PLCB1: variants seen among roughly 807,000 people sequenced by gnomAD.
The protein encoded by PLCB1 is phospholipase C beta 1, also known as 1-phosphatidylinositol 4,5-bisphosphate phosphodiesterase beta-1.
Under a neutral mutation model 161.8 loss-of-function variants are expected in PLCB1, and 46 were observed. That is an observed-to-expected ratio of 0.28 (90% CI 0.22 to 0.36). PLCB1 has a LOEUF of 0.36. Among genes scored for constraint, PLCB1 ranks in the 10% least tolerant of loss-of-function variants. The pLI is 1.00. For synonymous variants in PLCB1, 517 were observed against 503.7 expected (o/e 1.03, Z -0.35); for missense variants, 1,016 against 1,472.5 (o/e 0.69, Z 5.07).
At chr20:8,842,793 A>G (rs1435998069) in intron 31 of PLCB1, among the ~76,000 whole-genome samples, 1 of 152,128 alleles carries the variant, frequency 6.6e-6, no homozygotes, top group South Asian at 2.1e-4. Flanking sequence ...TTTCCATACA[A>G]TGTCTGAAAT....
intron 4 of PLCB1, among the ~76,000 whole-genome samples, chr20:8,641,001 G>A (rs1048499249): frequency 2.0e-5 from 3 of 152,198 alleles, no homozygotes; most frequent in African/African-American, 7.2e-5. Context: ...CTTCCTTAGA[G>A]TATCAGGATA....
chr20:8,722,318 A>T, intron 14 of PLCB1, 36 bp from the exon 15 acceptor site: 2 of 1,497,614 alleles, frequency 1.3e-6, no homozygotes, highest in Non-Finnish European at 1.8e-6. Context: ...AAATGTTGAA[A>T]TGGTGACATG....
rs111298209 is a variant in PLCB1 at position 8,768,410 on chromosome 20, A to G, written c.2930+3052A>G. On this transcript the variant is annotated intron_variant, in intron 26 of 31. Transcript: ENST00000338037. ...TTTCCCTCTTCTAATGACAGACACCAGGCATTAGATTCAGGTCCACCCTAA... is the reference window on the plus strand; with the variant it reads ...TTTCCCTCTTCTAATGACAGACACCGGGCATTAGATTCAGGTCCACCCTAA... 2.9e-3 allele frequency among the ~76,000 whole-genome samples: 435 copies of G among 152,242 alleles called. 2 individuals carry two copies. Among genetic ancestry groups the G allele is most frequent in the African/African-American group, 9.9e-3 (413 of 41,552 alleles).
At chr20:8,809,896 T>C (rs2146250598) in intron 31 of PLCB1, among the ~76,000 whole-genome samples, 1 of 152,290 alleles carries the variant, frequency 6.6e-6, no homozygotes, top group African/African-American at 2.4e-5. Flanking sequence ...CCCTCAGCAA[T>C]GTCTTCTACC....
At chr20:8,523,824 T>C (rs1178839215) in intron 3 of PLCB1, among the ~76,000 whole-genome samples, 2 of 151,936 alleles carry the variant, frequency 1.3e-5, no homozygotes, top group African/African-American at 2.4e-5. Flanking sequence ...CTAGAGACTG[T>C]GTGCCTGAGA....
At position 8,571,590 on chromosome 20, in the gene PLCB1, T is replaced by C. The variant is rs534389829; in HGVS notation, c.247-56704T>C. ...GGCCTGTACTTGTCTAGGCAAGAGATGGTGACGACTTGAACTAAAGAGTAA... is the reference window on the plus strand; with the variant it reads ...GGCCTGTACTTGTCTAGGCAAGAGACGGTGACGACTTGAACTAAAGAGTAA... On this transcript the variant is annotated intron_variant, in intron 3 of 31. Transcript: ENST00000338037. Among the ~76,000 whole-genome samples, 4 of 152,246 alleles carry C rather than the reference T, an allele frequency of 2.6e-5. No homozygotes were observed. In the East Asian group the frequency reaches 7.7e-4, roughly 29 times the overall value.
intron 9 of PLCB1, among the ~76,000 whole-genome samples, chr20:8,676,303 G>T (rs1213829102): frequency 1.3e-5 from 2 of 152,136 alleles, no homozygotes; most frequent in Admixed American, 6.5e-5. Flanking sequence ...AGAGGTTGCA[G>T]TGAGGCAAGA....
chr20:8,705,912 G>A (rs535235025), intron 11 of PLCB1, among the ~76,000 whole-genome samples: 6 of 152,284 alleles, frequency 3.9e-5, no homozygotes, highest in South Asian at 2.1e-4. Context: ...AGAAAGGAGC[G>A]AAACTGTCTA....
chr20:8,557,016 T>TAAATAAATAAATA (rs1985984136), intron 3 of PLCB1, among the ~76,000 whole-genome samples: 1 of 121,264 alleles, frequency 8.2e-6, no homozygotes, highest in African/African-American at 4.1e-5. Flanking sequence ...ATAAATAAAA[T>TAAATAAATAAATA]AAATAAAAAA....
intron 9 of PLCB1, among the ~76,000 whole-genome samples, chr20:8,669,850 G>C (rs117130275): frequency 6.6e-6 from 1 of 152,330 alleles, no homozygotes; most frequent in East Asian, 1.9e-4. Flanking sequence ...CTGCATTTAT[G>C]CTAGACTATG....
At chr20:8,629,632 A>G (rs756947840) in intron 4 of PLCB1, among the ~76,000 whole-genome samples, 18 of 152,310 alleles carry the variant, frequency 1.2e-4, no homozygotes, top group Admixed American at 2.0e-4. Flanking sequence ...CATATAATAT[A>G]TGTGCCTTAC....
intron 10 of PLCB1, among the ~76,000 whole-genome samples, chr20:8,692,916 A>G (rs112066707): frequency 0.016 from 2,479 of 152,246 alleles, 78 homozygotes; most frequent in African/African-American, 0.057. Context: ...CCACACATCA[A>G]TGCCCACAGT....
chr20:8,420,285 C>G (rs6039158), intron 3 of PLCB1, among the ~76,000 whole-genome samples: 1 of 152,172 alleles, frequency 6.6e-6, no homozygotes, highest in Non-Finnish European at 1.5e-5. Context: ...CTGCTCCTAC[C>G]TACTATCCTT....
chr20:8,559,715 G>A (rs1448883733), intron 3 of PLCB1, among the ~76,000 whole-genome samples: 3 of 151,966 alleles, frequency 2.0e-5, no homozygotes, highest in African/African-American at 7.2e-5. Flanking sequence ...ACAAGAGGCA[G>A]AGGACATTAT....
intron 31 of PLCB1, among the ~76,000 whole-genome samples, chr20:8,830,164 A>C (rs901249199): frequency 6.6e-6 from 1 of 152,218 alleles, no homozygotes; most frequent in Non-Finnish European, 1.5e-5. Flanking sequence ...GAGAACTCTT[A>C]GAAATCATAG....
chr20:8,675,341 G>A lies in PLCB1; in HGVS notation c.863-9591G>A, dbSNP rs540387514. Among the ~76,000 whole-genome samples the A allele has an allele frequency of 2.2e-4, 34 of 152,226 alleles. 1 individual carries two copies. Among genetic ancestry groups the A allele is most frequent in the South Asian group, 1.7e-3 (8 of 4,818 alleles). On this transcript the variant is annotated intron_variant, in intron 9 of 31. Transcript: ENST00000338037. Reference sequence around the variant, plus strand: ...CCTGGGAGCTCAAGCTTCCTCTGTGGCTCTGATGGCACTCTACCTGGGAGA... The same window carrying A: ...CCTGGGAGCTCAAGCTTCCTCTGTGACTCTGATGGCACTCTACCTGGGAGA...
At chr20:8,180,062 T>G (rs1054881960) in intron 2 of PLCB1, among the ~76,000 whole-genome samples, 2 of 151,560 alleles carry the variant, frequency 1.3e-5, no homozygotes, top group African/African-American at 2.4e-5. Context: ...GTTTCACCGT[T>G]TTAGCCAGGA....
intron 2 of PLCB1, among the ~76,000 whole-genome samples, chr20:8,169,088 G>A (rs940245765): frequency 6.6e-6 from 1 of 152,008 alleles, no homozygotes; most frequent in Non-Finnish European, 1.5e-5. Flanking sequence ...AGGCATCAGT[G>A]TATTTATATC....
At chr20:8,632,035 C>CTTGTTTTTTTTTTTTTTTTTT (rs1988608381) in intron 4 of PLCB1, among the ~76,000 whole-genome samples, 1 of 45,984 alleles carries the variant, frequency 2.2e-5, no homozygotes, top group Non-Finnish European at 3.7e-5. Flanking sequence ...GTTTTTTTTG[C>CTTGTTTTTTTTTTTTTTTTTT]TTTTTTTTTT....
Sources: gnomAD v4.1 joint callset for allele counts (sites outside exome capture counted in the v4.1 genomes callset) on GRCh38, gnomAD v4.1.1 for gene constraint, MANE v1.5 for transcripts, NCBI Gene and HGNC (gene_info 2026-07-23, HGNC 2026-07-21) for gene names.